SPATA9: variants seen among roughly 807,000 people sequenced by gnomAD.
The protein encoded by SPATA9 is spermatogenesis associated 9, also known as spermatogenesis-associated protein 9.
In SPATA9, 27 loss-of-function variants were observed where a neutral mutation model predicts 25.5. The ratio of observed to expected loss-of-function variants is 1.06; its 90% CI spans 0.78 to 1.46. The LOEUF (loss-of-function observed/expected upper bound fraction) is 1.46, where lower values mean the gene tolerates loss of function less well. Ranked by LOEUF, SPATA9 falls within the 40% of genes most tolerant of loss-of-function variation. The pLI is 0.00. For synonymous variants in SPATA9, 102 were observed against 105.7 expected, an observed-to-expected ratio of 0.97 and a Z score of 0.21; for missense variants, 282 against 297.5, an observed-to-expected ratio of 0.95 and a Z score of 0.38.
upstream of SPATA9, among the ~76,000 whole-genome samples, chr5:95,685,423 T>C (rs1159398131): frequency 6.6e-6 from 1 of 152,186 alleles, no homozygotes; most frequent in Non-Finnish European, 1.5e-5. Context: ...AAAACCTATC[T>C]GCCATGTGAG....
the SPATA9 span, among the ~76,000 whole-genome samples, chr5:95,723,962 CAG>C: frequency 9.9e-5 from 15 of 152,090 alleles, no homozygotes; most frequent in South Asian, 2.1e-4. Flanking sequence ...AAAACACAAA[CAG>C]AAAATTTTTA....
upstream of SPATA9, among the ~76,000 whole-genome samples, chr5:95,703,603 C>T (rs993410168): frequency 2.0e-5 from 3 of 151,486 alleles, no homozygotes; most frequent in Non-Finnish European, 4.4e-5. Context: ...CACTGCATTC[C>T]AGCCTGGGCA....
chr5:95,708,824 C>T, the SPATA9 span: 8 of 563,124 alleles, frequency 1.4e-5, no homozygotes, highest in East Asian at 3.3e-5. Context: ...GTAGTGTTGA[C>T]GAATACACGT....
intron 1 of SPATA9, among the ~76,000 whole-genome samples, chr5:95,692,474 C>A (rs1753917954): frequency 6.6e-6 from 1 of 152,012 alleles, no homozygotes; most frequent in Non-Finnish European, 1.5e-5. Flanking sequence ...CACAGAACTG[C>A]ATTTAATTTT....
At chr5:95,707,491 G>C in the SPATA9 span, among the ~76,000 whole-genome samples, 2 of 149,294 alleles carry the variant, frequency 1.3e-5, no homozygotes, top group Non-Finnish European at 3.0e-5. Flanking sequence ...AAGGCGGGGG[G>C]CCTAGTTAAA....
chr5:95,693,332 C>T (rs1464665337), intron 1 of SPATA9, among the ~76,000 whole-genome samples: 3 of 152,140 alleles, frequency 2.0e-5, no homozygotes, highest in Non-Finnish European at 4.4e-5. Flanking sequence ...AAATATTCAT[C>T]AACTGTAGAA....
chr5:95,685,309 A>G (rs1254459495), upstream of SPATA9, among the ~76,000 whole-genome samples: 1 of 152,256 alleles, frequency 6.6e-6, no homozygotes, highest in Non-Finnish European at 1.5e-5. Context: ...CAAACTGGCT[A>G]GAACCCTAAC....
chr5:95,724,362 A>G, the SPATA9 span, among the ~76,000 whole-genome samples: 124 of 152,386 alleles, frequency 8.1e-4, no homozygotes, highest in African/African-American at 2.9e-3. Context: ...GAAGTGTAAT[A>G]CATTTTTACA....
At chr5:95,729,648 A>G in the SPATA9 span, among the ~76,000 whole-genome samples, 1 of 152,092 alleles carries the variant, frequency 6.6e-6, no homozygotes, top group South Asian at 2.1e-4. Context: ...GCAAACCTGA[A>G]ACACTATACC....
At chr5:95,723,293 G>A in the SPATA9 span, among the ~76,000 whole-genome samples, 1 of 152,224 alleles carries the variant, frequency 6.6e-6, no homozygotes, top group African/African-American at 2.4e-5. Flanking sequence ...CGGCCCTTAG[G>A]CCACAGGTTG....
At chr5:95,702,040 A>G (rs1754190468), upstream of SPATA9, among the ~76,000 whole-genome samples, 1 of 152,244 alleles carries the variant, frequency 6.6e-6, no homozygotes, top group African/African-American at 2.4e-5. Flanking sequence ...AAACTGTACT[A>G]GTACTTCCAT....
chr5:95,676,247 C>T (rs1046546696), intron 2 of SPATA9, among the ~76,000 whole-genome samples: 3 of 152,088 alleles, frequency 2.0e-5, no homozygotes, highest in Non-Finnish European at 4.4e-5. Flanking sequence ...TGAATTTTTA[C>T]TTAAAAAATT....
chr5:95,707,434 T>A, the SPATA9 span, among the ~76,000 whole-genome samples: 1 of 152,120 alleles, frequency 6.6e-6, no homozygotes, highest in Non-Finnish European at 1.5e-5. Context: ...CAAAATTCTC[T>A]CGGCCCCGAG....
At chr5:95,675,819 CTTTTTTTT>C (rs33943918) in intron 2 of SPATA9, among the ~76,000 whole-genome samples, 180 bp from the exon 3 acceptor site, 35 of 108,028 alleles carry the variant, frequency 3.2e-4, no homozygotes, top group Non-Finnish European at 5.5e-4. Context: ...GTACTTAAAC[CTTTTTTTT>C]TTTTTTTTTT....
upstream of SPATA9, among the ~76,000 whole-genome samples, chr5:95,703,463 G>A (rs1258565438): frequency 6.6e-6 from 1 of 151,956 alleles, no homozygotes; most frequent in African/African-American, 2.4e-5. Flanking sequence ...GTGAAACCTT[G>A]TCTACACTAA....
At chr5:95,722,211 A>G in the SPATA9 span, among the ~76,000 whole-genome samples, 1 of 152,192 alleles carries the variant, frequency 6.6e-6, no homozygotes, top group Non-Finnish European at 1.5e-5. Flanking sequence ...AAGCAAAGGG[A>G]GTGCAGGAGA....
chr5:95,708,003 T>A, the SPATA9 span, among the ~76,000 whole-genome samples: 21 of 152,156 alleles, frequency 1.4e-4, no homozygotes, highest in African/African-American at 5.1e-4. Flanking sequence ...TTTACAAAAT[T>A]AAGAAACCAA....
At chr5:95,679,233 C>A (rs1200554031) in intron 2 of SPATA9, among the ~76,000 whole-genome samples, 2 of 152,178 alleles carry the variant, frequency 1.3e-5, no homozygotes, top group Non-Finnish European at 2.9e-5. Flanking sequence ...GTTTTCCATG[C>A]CTGTCTCTGG....
the SPATA9 span, among the ~76,000 whole-genome samples, chr5:95,704,738 C>T: frequency 3.3e-5 from 5 of 151,824 alleles, no homozygotes; most frequent in African/African-American, 9.7e-5. Flanking sequence ...TATTTCTCAC[C>T]GTTTTAGAGG....
Sources: allele counts gnomAD v4.1 joint callset (sites outside exome capture counted in the v4.1 genomes callset), GRCh38; gene constraint gnomAD v4.1.1; transcripts MANE v1.5; gene names NCBI Gene and HGNC (gene_info 2026-07-23, HGNC 2026-07-21).